NRAP: variants seen among roughly 807,000 people sequenced by gnomAD.
NRAP encodes the protein nebulin related anchoring protein, also known as nebulin-related-anchoring protein.
In NRAP, 189 loss-of-function variants were observed where a neutral mutation model predicts 225.9. That is an observed-to-expected ratio of 0.84 (90% confidence interval 0.74 to 0.94). The LOEUF (loss-of-function observed/expected upper bound fraction) is 0.94. NRAP is among the 40% of genes least tolerant of loss of function. The pLI is 0.00. For synonymous variants in NRAP, 769 were observed against 790.7 expected (o/e 0.97, Z 0.46); for missense variants, 2,176 against 2,168.7 (o/e 1.00, Z -0.07).
Position 113,646,996 on chromosome 10 carries a change from C to T in NRAP, c.920G>A (p.Gly307Glu), listed in dbSNP as rs1303743039. The T allele has an allele frequency of 6.2e-7, 1 of 1,614,018 alleles. No homozygotes were observed. The highest frequency in any genetic ancestry group is 8.5e-7 in the Non-Finnish European group (1 of 1,179,914). The change falls in exon 10 of 42, where the codon GGA (glycine) becomes GAA (glutamate). Residue 307 changes from glycine (G) to glutamate (E), a missense_variant. Transcript: ENST00000359988. ...GATCATAGCTGGGAAGCTGCCCTTT[C>T]CCCTGTGCTCCTCATACTCCTCCGG... ...GYPEEYEEHR[G>E]KGSFPAMITP... is the part of the protein sequence containing the mutation.
intron 7 of NRAP, 65 bp downstream of exon 7, chr10:113,651,738 A>G: frequency 3.3e-6 from 3 of 899,978 alleles, no homozygotes; most frequent in Non-Finnish European, 5.6e-6. Context: ...ACTATTCACA[A>G]GAGCAAAGAT....
In NRAP at chr10:113,592,315, A is replaced by C; in HGVS notation, c.4537-14T>G. 1 of 1,569,962 alleles carries C rather than the reference A, an allele frequency of 6.4e-7. No homozygotes were observed. The highest frequency in any genetic ancestry group is 1.7e-4 in the Middle Eastern group (1 of 5,952). ...TCTGTAGACTTTCTAGATTGGAAAA[A>C]CAAAAGCATGAGTAAGCAGGCAGTC... On this transcript the variant is annotated splice_polypyrimidine_tract_variant and intron_variant, in intron 38 of 41. Transcript: ENST00000359988.
intron 2 of NRAP, among the ~76,000 whole-genome samples, 158 bp downstream of exon 2, chr10:113,663,194 C>T (rs1850798062): frequency 6.6e-6 from 1 of 152,160 alleles, no homozygotes; most frequent in Non-Finnish European, 1.5e-5. Flanking sequence ...CATAAAATCC[C>T]ACCTTAGGTC....
rs554424135 is a variant in NRAP at position 113,633,147 on chromosome 10, G to A, written c.1569C>T (p.Tyr523=). The A allele has an allele frequency of 3.1e-6, 5 of 1,609,080 alleles. No homozygotes were observed. In the Admixed American group the frequency reaches 6.7e-5, roughly 21 times the overall value. The change falls in exon 16 of 42, where the codon TAC becomes TAT. Residue 523 remains tyrosine, a synonymous_variant. Coordinates refer to ENST00000359988, the MANE Select transcript of NRAP (RefSeq NM_198060.4). ...RADYEKNKLN[Y]TLPQDVPQLV... is the part of the protein sequence containing the mutation. Reference sequence around the variant, plus strand: ...GCTGAGGAACATCCTGGGGCAATGTGTAATTCAACTTATTTTTCTCATAGT... The same window carrying A: ...GCTGAGGAACATCCTGGGGCAATGTATAATTCAACTTATTTTTCTCATAGT...
chr10:113,614,801 TG>T (rs755874642), intron 28 of NRAP, 37 bp downstream of exon 28: 3 of 1,212,382 alleles, frequency 2.5e-6, no homozygotes, highest in Non-Finnish European at 3.7e-6. Flanking sequence ...AACGGGTTAG[TG>T]TTGAACATTG....
rs756688575 is a variant in NRAP at position 113,590,859 on chromosome 10, G to A, written c.4675C>T (p.Arg1559Ter). 1.2e-5 allele frequency: 20 copies of A among 1,613,934 alleles called. No homozygotes were observed. In the East Asian group the frequency reaches 1.8e-4, roughly 14 times the overall value. Residue 1559 changes from arginine to a stop codon, truncating the protein, a stop_gained, in exon 40 of 42, where the codon CGA becomes TGA. Coordinates refer to ENST00000359988, the MANE Select transcript of NRAP (RefSeq NM_198060.4). LOFTEE classifies it high-confidence loss of function. ...FRYKEAFLRD[R>*]GLQIGYRSVD... ...CTGCGGTACCCGATCTGCAGGCCTC[G>A]GTCCCGCAGGAAAGCCTCTTTGTAC...
At chr10:113,625,972 C>T in intron 21 of NRAP, 75 bp downstream of exon 21, 3 of 970,850 alleles carry the variant, frequency 3.1e-6, no homozygotes, top group Middle Eastern at 3.2e-4. Context: ...CTGGGCGGCA[C>T]CTGCTGTTGT....
At position 113,662,689 on chromosome 10, in the gene NRAP, G is replaced by C. The variant is rs115585400; in HGVS notation, c.245C>G (p.Ala82Gly). ...LNLNVRTFPEAISGIHDQEDG... is the reference protein window; with the variant it reads ...LNLNVRTFPEGISGIHDQEDG... ...AATTAAATAACTTACCCCACTGATG[G>C]CCTCTGGAAATGTCCTCACATTTAG... is the stretch of plus-strand genomic sequence containing the variant. The change falls in exon 3 of 42, where the codon GCC (alanine) becomes GGC (glycine). Residue 82 changes from alanine to glycine, a missense_variant. Physicochemically the swap from Ala to Gly is moderately conservative, Grantham distance 60 (BLOSUM62 0). Coordinates refer to ENST00000359988, the MANE Select transcript of NRAP (RefSeq NM_198060.4). 1 of 1,555,216 alleles carries C rather than the reference G, an allele frequency of 6.4e-7. No homozygotes were observed. The highest frequency in any genetic ancestry group is 8.9e-7 in the Non-Finnish European group (1 of 1,126,332).
At chr10:113,615,928 C>T (rs1847638040) in intron 26 of NRAP, 112 bp from the exon 27 acceptor site, 1 of 698,042 alleles carries the variant, frequency 1.4e-6, no homozygotes, top group Non-Finnish European at 2.6e-6. Flanking sequence ...CTCATAGAGA[C>T]ATGATTTCGG....
chr10:113,589,687 G>T lies in NRAP; in HGVS notation c.5067C>A (p.Gly1689=). 1 of 1,614,072 alleles carries T rather than the reference G, an allele frequency of 6.2e-7. No homozygotes were observed. The highest frequency in any genetic ancestry group is 8.5e-7 in the Non-Finnish European group (1 of 1,180,022). ...TCACGTAAGCTCCCTGGAGACCCAG[G>T]CCCCTTGCGTTGGCCAGTTCCGCAG... ...RRAAELANAR[G]LGLQGAYRGA... Residue 1689 remains glycine (G), a synonymous_variant, in exon 41 of 42, where the codon GGC becomes GGA. Transcript: ENST00000359988.
intron 15 of NRAP, among the ~76,000 whole-genome samples, chr10:113,633,878 G>A (rs1182678023): frequency 6.6e-6 from 1 of 152,180 alleles, no homozygotes; most frequent in Non-Finnish European, 1.5e-5. Context: ...GTTGATGGCT[G>A]TTGAAGATGG....
chr10:113,614,378 G>T, intron 28 of NRAP, 82 bp from the exon 29 acceptor site: 1 of 1,009,050 alleles, frequency 9.9e-7, no homozygotes, highest in Non-Finnish European at 1.6e-6. Context: ...GGGTGAAAAT[G>T]TTTTGTTCTT....
chr10:113,596,790 G>C (rs1846304804), intron 37 of NRAP, among the ~76,000 whole-genome samples: 1 of 152,154 alleles, frequency 6.6e-6, no homozygotes, highest in Non-Finnish European at 1.5e-5. Flanking sequence ...AAAACTTTCT[G>C]AGCCTTTATT....
Position 113,588,958 on chromosome 10 carries a change from A to T in NRAP, c.*17T>A, listed in dbSNP as rs1368969466. 3 of 1,576,730 alleles carry T rather than the reference A, an allele frequency of 1.9e-6. No homozygotes were observed. In the Admixed American group the frequency reaches 5.3e-5, roughly 28 times the overall value. On this transcript the variant is annotated 3_prime_UTR_variant, in exon 42 of 42. Coordinates refer to ENST00000359988, the MANE Select transcript of NRAP (RefSeq NM_198060.4). Reference sequence around the variant, plus strand: ...AAACTTCCTCTCTGGCCTCTCAGGAATCAGGGTGGACATGGCTCACAACAG... The same window carrying T: ...AAACTTCCTCTCTGGCCTCTCAGGATTCAGGGTGGACATGGCTCACAACAG...
In NRAP at chr10:113,651,805, C is replaced by T. The variant is rs1308659850; in HGVS notation, c.673G>A (p.Asp225Asn). The change falls in exon 7 of 42, where the codon GAT becomes AAT. Residue 225 changes from aspartate to asparagine, a missense_variant and splice_region_variant. Asp to Asn is a conservative substitution (Grantham distance 23, BLOSUM62 1). Coordinates refer to ENST00000359988, the MANE Select transcript of NRAP (RefSeq NM_198060.4). Reference protein sequence around the residue: ...RSKAGAQLQSDVRYTEDYEQQ... With the variant: ...RSKAGAQLQSNVRYTEDYEQQ... ...GACTGGCCTCCCTCCTTTCTTACAT[C>T]ACTTTGAAGCTGTGCCCCAGCCTTG... 1.9e-6 allele frequency: 3 copies of T among 1,602,180 alleles called. No individual in the cohort carries two copies. Among genetic ancestry groups the T allele is most frequent in the African/African-American group, 1.3e-5 (1 of 74,638 alleles).
intron 26 of NRAP, 129 bp downstream of exon 26, chr10:113,617,326 C>T: frequency 1.7e-6 from 1 of 595,928 alleles, no homozygotes; most frequent in South Asian, 2.5e-5. Flanking sequence ...GGAGCCTCTG[C>T]AAAGGACAGG....
chr10:113,632,615 A>T (rs578026901), intron 16 of NRAP, among the ~76,000 whole-genome samples: 6 of 146,198 alleles, frequency 4.1e-5, no homozygotes, highest in African/African-American at 1.1e-4. Context: ...CCACATACAC[A>T]GTGCCTGCCT....
chr10:113,641,271 GA>G (rs1442164296), intron 13 of NRAP, 93 bp downstream of exon 13: 32 of 649,746 alleles, frequency 4.9e-5, no homozygotes, highest in Non-Finnish European at 6.2e-5. Flanking sequence ...ATAGAAGACA[GA>G]TTTTTTTTTA....
At position 113,631,852 on chromosome 10, in the gene NRAP, C is replaced by T. The variant is rs371098953; in HGVS notation, c.1740+5G>A. 13 of 1,575,850 alleles carry T rather than the reference C, an allele frequency of 8.2e-6. No homozygotes were observed. The highest frequency in any genetic ancestry group is 3.3e-5 in the Admixed American group (2 of 59,850). On this transcript the variant is annotated splice_donor_5th_base_variant and intron_variant, in intron 17 of 41. Coordinates refer to ENST00000359988, the MANE Select transcript of NRAP (RefSeq NM_198060.4). ...GCATTCCTGAGTTAATGAGAGGAAA[C>T]GTACATTGCTAGCAAGCTCCCCAGA... is the stretch of plus-strand genomic sequence containing the variant.
Sources: allele counts gnomAD v4.1 joint callset (sites outside exome capture counted in the v4.1 genomes callset), GRCh38; gene constraint gnomAD v4.1.1; transcripts MANE v1.5; gene names NCBI Gene and HGNC (gene_info 2026-07-23, HGNC 2026-07-21).